BRCA2: variants seen among roughly 807,000 people sequenced by gnomAD.
BRCA2 encodes BRCA2 DNA repair associated.
A neutral mutation model predicts 276.7 loss-of-function variants in BRCA2; 203 were observed. The observed-to-expected ratio is 0.73, with a 90% CI of 0.65 to 0.82. The LOEUF is 0.82. Ranked by LOEUF, BRCA2 falls within the 40% of genes least tolerant of loss-of-function variation. The probability of loss-of-function intolerance (pLI) is 0.00; values close to 1 mark genes in which losing one functional copy is unlikely to be tolerated. For synonymous variants in BRCA2, 1,289 were observed against 1,338.4 expected (o/e 0.96, Z 0.81); for missense variants, 3,920 against 3,915.0 (o/e 1.00, Z -0.03).
chr13:32,339,785 TGAG>T lies in BRCA2; in HGVS notation c.5433_5435del (p.Glu1812del). 6.2e-7 allele frequency: 1 copy of T among 1,613,884 alleles called. No homozygotes were observed. Among genetic ancestry groups the T allele is most frequent in the Non-Finnish European group, 8.5e-7 (1 of 1,179,816 alleles). ...AAACTGTAAATGAAGATATTTGCGT[TGAG>T]GAACTTGTGACTAGCTCTTCACCCT... On this transcript the variant is annotated inframe_deletion, in exon 11 of 27. Transcript: ENST00000380152.
At chr13:32,393,443 G>A (rs572486024) in intron 24 of BRCA2, among the ~76,000 whole-genome samples, 1 of 151,896 alleles carries the variant, frequency 6.6e-6, no homozygotes, top group Admixed American at 6.6e-5. Flanking sequence ...TTAAAATTTG[G>A]TACCTTCATT....
intron 11 of BRCA2, among the ~76,000 whole-genome samples, chr13:32,341,408 CTCTGAA>C (rs914634613): frequency 7.2e-5 from 11 of 151,970 alleles, no homozygotes; most frequent in Non-Finnish European, 1.6e-4. Flanking sequence ...GATTCGATAT[CTCTGAA>C]TCTGTATACC....
At chr13:32,369,232 T>C (rs2072810895) in intron 18 of BRCA2, among the ~76,000 whole-genome samples, 3 of 152,196 alleles carry the variant, frequency 2.0e-5, no homozygotes, top group Admixed American at 2.0e-4. Context: ...TTTTTTTTAA[T>C]GCTGCAGCAA....
In BRCA2 at chr13:32,339,738, A is replaced by G. The variant is rs2137516982; in HGVS notation, c.5383A>G (p.Lys1795Glu). The change falls in exon 11 of 27, where the codon AAA (lysine) becomes GAA (glutamate). Residue 1795 changes from lysine to glutamate, a missense_variant. By Grantham distance (56) the Lys-to-Glu change is moderately conservative. This residue lies in a region of BRCA2 where 3,263 missense variants were observed against 3,156.9 expected (regional missense o/e 1.03). Coordinates refer to ENST00000380152, the MANE Select transcript of BRCA2 (RefSeq NM_000059.4). ...TTTTTCCAAAGTAATATCCAATGTAAAAGATGCAAATGCATACCCACAAAC... is the reference window on the plus strand; with the variant it reads ...TTTTTCCAAAGTAATATCCAATGTAGAAGATGCAAATGCATACCCACAAAC... Reference protein sequence around the residue: ...TSFSKVISNVKDANAYPQTVN... With the variant: ...TSFSKVISNVEDANAYPQTVN... 6.2e-7 allele frequency: 1 copy of G among 1,613,916 alleles called. No homozygotes were observed. Among genetic ancestry groups the G allele is most frequent in the Non-Finnish European group, 8.5e-7 (1 of 1,179,872 alleles).
intron 13 of BRCA2, among the ~76,000 whole-genome samples, chr13:32,352,043 C>G (rs1259986359): frequency 1.3e-5 from 2 of 152,082 alleles, no homozygotes; most frequent in East Asian, 3.9e-4. Context: ...CCTCGTGATC[C>G]GCCCACCTTG....
intron 3 of BRCA2, among the ~76,000 whole-genome samples, chr13:32,320,894 A>C (rs1020843657): frequency 2.0e-5 from 3 of 152,202 alleles, no homozygotes; most frequent in African/African-American, 7.2e-5. Context: ...TGCTCATTGA[A>C]AGGACAGATT....
At chr13:32,356,170 A>G (rs2072692910) in intron 14 of BRCA2, among the ~76,000 whole-genome samples, 1 of 151,456 alleles carries the variant, frequency 6.6e-6, no homozygotes, top group South Asian at 2.1e-4. Flanking sequence ...AGCCTGCTGA[A>G]TAGCTGGGAT....
intron 24 of BRCA2, 95 bp downstream of exon 24, chr13:32,380,240 A>G: frequency 7.7e-7 from 1 of 1,302,504 alleles, no homozygotes; most frequent in Non-Finnish European, 1.1e-6. Flanking sequence ...CCAGTTGGCA[A>G]ATTTGCTAGC....
intron 20 of BRCA2, among the ~76,000 whole-genome samples, chr13:32,372,778 A>G (rs1042012970): frequency 6.6e-6 from 1 of 152,180 alleles, no homozygotes; most frequent in African/African-American, 2.4e-5. Context: ...TAATTCCAGC[A>G]TTAACTCAAA....
In BRCA2 at chr13:32,351,963, G is replaced by A. The variant is rs200073333; in HGVS notation, c.7008-2898G>A. On this transcript the variant is annotated intron_variant, in intron 13 of 26. Transcript: ENST00000380152. ...ATTACAGGCGCGTGCCACCATGCCC[G>A]GCTAATTTTTTGTATTTTTACTAGA... is the stretch of plus-strand genomic sequence containing the variant. 5.9e-5 allele frequency among the ~76,000 whole-genome samples: 9 copies of A among 152,080 alleles called. No individual in the cohort carries two copies. The East Asian group carries it at 7.7e-4, about 13-fold the overall frequency.
intron 3 of BRCA2, among the ~76,000 whole-genome samples, chr13:32,320,589 C>T (rs1001243145): frequency 3.3e-5 from 5 of 152,226 alleles, no homozygotes; most frequent in Non-Finnish European, 7.3e-5. Context: ...GAAATACTTC[C>T]TGTCTGCCCT....
chr13:32,336,100 G>A (rs1160697611), intron 10 of BRCA2, among the ~76,000 whole-genome samples, 165 bp from the exon 11 acceptor site: 4 of 151,742 alleles, frequency 2.6e-5, no homozygotes, highest in South Asian at 2.1e-4. Context: ...GGCTAGTCTC[G>A]AACTCCTGGG....
Position 32,338,125 on chromosome 13 carries a change from CA to C in BRCA2, c.3772del (p.Ile1258Ter), listed in dbSNP as rs397507684. On this transcript the variant is annotated frameshift_variant, in exon 11 of 27. Coordinates refer to ENST00000380152, the MANE Select transcript of BRCA2 (RefSeq NM_000059.4). LOFTEE classifies it high-confidence loss of function. The stretch of plus-strand genomic sequence containing the variant: ...GAGGAAACTTCTGCAGAGGTACATC[CA>C]ATAAGTTTATCTTCAAGTAAATGTC... ...ISEETSAEVH[P>X]ISLSSSKCHD... 1 of 1,606,872 alleles carries C rather than the reference CA, an allele frequency of 6.2e-7. No individual in the cohort carries two copies. The highest frequency in any genetic ancestry group is 8.5e-7 in the Non-Finnish European group (1 of 1,176,550).
rs758025325 is a variant in BRCA2 at position 32,333,057 on chromosome 13, C to T, written c.1579C>T (p.Pro527Ser). 5.0e-6 allele frequency: 8 copies of T among 1,609,698 alleles called. No homozygotes were observed. The South Asian group carries it at 6.7e-5, about 13-fold the overall frequency. ...NASFSGHMTDPNFKKETEASE... is the reference protein window; with the variant it reads ...NASFSGHMTDSNFKKETEASE... Reference sequence around the variant, plus strand: ...AAGTTTTTCAGGTCATATGACTGATCCAAACTTTAAAAAAGAAACTGAAGC... The same window carrying T: ...AAGTTTTTCAGGTCATATGACTGATTCAAACTTTAAAAAAGAAACTGAAGC... Residue 527 changes from proline (P) to serine (S), a missense_variant, in exon 10 of 27, where the codon CCA becomes TCA. This residue lies in a region of BRCA2 where 3,263 missense variants were observed against 3,156.9 expected (regional missense o/e 1.03). Transcript: ENST00000380152.
chr13:32,359,261 T>G (rs2072723237), intron 16 of BRCA2, among the ~76,000 whole-genome samples: 2 of 145,508 alleles, frequency 1.4e-5, no homozygotes, highest in South Asian at 4.4e-4. Flanking sequence ...AAATTTGAAA[T>G]GGCCTTATGG....
At chr13:32,371,453 A>G (rs568560772) in intron 20 of BRCA2, among the ~76,000 whole-genome samples, 15 of 152,192 alleles carry the variant, frequency 9.9e-5, no homozygotes, top group African/African-American at 3.1e-4. Context: ...TGATGTTTAT[A>G]TGACATAAAT....
chr13:32,348,954 G>A (rs1047211986), intron 13 of BRCA2, among the ~76,000 whole-genome samples: 2 of 152,108 alleles, frequency 1.3e-5, no homozygotes, highest in African/African-American at 4.8e-5. Context: ...CAGGCACAGT[G>A]GCTTACACCT....
chr13:32,322,397 A>G (rs1241162600), intron 3 of BRCA2, among the ~76,000 whole-genome samples: 2 of 152,222 alleles, frequency 1.3e-5, no homozygotes, highest in Non-Finnish European at 2.9e-5. Flanking sequence ...GCCTTTTGAC[A>G]GCAAGCCAGT....
intron 1 of BRCA2, among the ~76,000 whole-genome samples, chr13:32,316,103 A>AGG (rs2072256022): frequency 6.6e-6 from 1 of 152,216 alleles, no homozygotes; most frequent in Admixed American, 6.5e-5. Context: ...GGGAATTACC[A>AGG]GGCGGCGTTG....
Sources: gnomAD v4.1 joint callset for allele counts (sites outside exome capture counted in the v4.1 genomes callset) on GRCh38, gnomAD v4.1.1 for gene constraint, gnomAD v4.1.1 regional missense constraint, MANE v1.5 for transcripts, NCBI Gene and HGNC (gene_info 2026-07-23, HGNC 2026-07-21) for gene names.